TMEM65: variants seen among roughly 807,000 people sequenced by gnomAD.
TMEM65 encodes transmembrane protein 65.
TMEM65 carries 22 observed loss-of-function variants against 25.4 expected under a neutral mutation model. The ratio of observed to expected loss-of-function variants is 0.86; its 90% CI spans 0.62 to 1.23. The LOEUF (loss-of-function observed/expected upper bound fraction) is 1.23. Among genes scored for constraint, TMEM65 ranks in the 50% most tolerant of loss-of-function variants. The probability of loss-of-function intolerance (pLI) is 0.00; values close to 1 mark genes in which losing one functional copy is unlikely to be tolerated. For missense variants in TMEM65, 262 were observed against 308.2 expected (o/e 0.85, Z 1.12); for synonymous variants, 132 against 126.2 (o/e 1.05, Z -0.31).
chr8:124,359,449 TA>T (rs1389522066), intron 1 of TMEM65, among the ~76,000 whole-genome samples: 5 of 152,214 alleles, frequency 3.3e-5, no homozygotes, highest in African/African-American at 1.2e-4. Flanking sequence ...TCAACATTTT[TA>T]CTGCCTCTTT....
chr8:124,337,794 T>C (rs751106968), intron 1 of TMEM65, among the ~76,000 whole-genome samples: 2 of 152,054 alleles, frequency 1.3e-5, no homozygotes, highest in Non-Finnish European at 2.9e-5. Flanking sequence ...TAGTCAAAAC[T>C]GATTGTTATA....
intron 6 of TMEM65, among the ~76,000 whole-genome samples, chr8:124,319,803 C>G (rs1015598328): frequency 7.9e-5 from 12 of 152,070 alleles, no homozygotes; most frequent in African/African-American, 2.9e-4. Flanking sequence ...AGGATAACCA[C>G]AGTTTATTAT....
chr8:124,332,179 C>A (rs977277406), intron 1 of TMEM65, among the ~76,000 whole-genome samples: 2 of 152,026 alleles, frequency 1.3e-5, no homozygotes, highest in Non-Finnish European at 2.9e-5. Flanking sequence ...AAGTGGTTTG[C>A]CAAATTTCTA....
At chr8:124,318,621 C>CA (rs1175052147) in intron 6 of TMEM65, among the ~76,000 whole-genome samples, 1 of 151,890 alleles carries the variant, frequency 6.6e-6, no homozygotes, top group African/African-American at 2.4e-5. Flanking sequence ...GGTGATCCAC[C>CA]CGCCTCGGCC....
At chr8:124,341,113 G>A (rs1814578832) in intron 1 of TMEM65, among the ~76,000 whole-genome samples, 1 of 151,736 alleles carries the variant, frequency 6.6e-6, no homozygotes, top group Non-Finnish European at 1.5e-5. Context: ...AGAAATAAGA[G>A]AAATAATTTT....
At position 124,359,701 on chromosome 8, in the gene TMEM65, C is replaced by T. The variant is rs575466484; in HGVS notation, c.304+12153G>A. 1.1e-4 allele frequency among the ~76,000 whole-genome samples: 17 copies of T among 151,730 alleles called. No individual in the cohort carries two copies. In the South Asian group the frequency reaches 3.1e-3, roughly 28 times the overall value. The stretch of plus-strand genomic sequence containing the variant: ...AAGCTGCAGCGAGCTGAGATCACAC[C>T]ACTGCACTACAGTCTGGACAACAGA... On this transcript the variant is annotated intron_variant, in intron 1 of 6. Transcript: ENST00000297632.
chr8:124,309,829 C>T lies in TMEM65; in HGVS notation c.*4131G>A, dbSNP rs111572680. 0.099 allele frequency: 15,096 copies of T among 152,166 alleles called. 829 individuals carry two copies. Among genetic ancestry groups the T allele is most frequent in the East Asian group, 0.15 (760 of 5,166 alleles). The allele number at this position is 152,166 out of a possible 1,614,324, so 9.4% of individuals were successfully genotyped here. A position where few individuals can be genotyped will look rare whatever the true frequency, so the allele number is the denominator to read the frequency against. ...ACTTTGGGAGGCCGAGACAGGTGGACCACCTGAGGTCAGGAGTCTGAGGCC... is the reference window on the plus strand; with the variant it reads ...ACTTTGGGAGGCCGAGACAGGTGGATCACCTGAGGTCAGGAGTCTGAGGCC... On this transcript the variant is annotated 3_prime_UTR_variant, in exon 7 of 7. Coordinates refer to ENST00000297632, the MANE Select transcript of TMEM65 (RefSeq NM_194291.3).
At chr8:124,314,800 C>G (rs1814213329) in intron 6 of TMEM65, among the ~76,000 whole-genome samples, 1 of 151,872 alleles carries the variant, frequency 6.6e-6, no homozygotes, top group Non-Finnish European at 1.5e-5. Flanking sequence ...ACTAGAACTA[C>G]AGACACATGC....
intron 1 of TMEM65, among the ~76,000 whole-genome samples, chr8:124,339,822 T>C (rs1020467000): frequency 2.0e-5 from 3 of 151,542 alleles, no homozygotes; most frequent in Non-Finnish European, 2.9e-5. Flanking sequence ...GCTAACTTTA[T>C]AGAGAAAAAT....
intron 1 of TMEM65, among the ~76,000 whole-genome samples, chr8:124,336,136 A>G (rs1326982597): frequency 6.6e-6 from 1 of 152,078 alleles, no homozygotes; most frequent in Non-Finnish European, 1.5e-5. Context: ...GGACATTTCA[A>G]AATGACAAAA....
rs113989539 is a variant in TMEM65, at chr8:124,339,129, C to A, written c.305-8337G>T. Among the ~76,000 whole-genome samples, 354 of 135,000 alleles carry A rather than the reference C, an allele frequency of 2.6e-3. 2 individuals are homozygous for A. Among genetic ancestry groups the A allele is most frequent in the Non-Finnish European group, 3.5e-3 (228 of 65,296 alleles). 88.6% of individuals were successfully genotyped at this position (135,000 alleles called of 152,430 possible). A position where few individuals can be genotyped will look rare whatever the true frequency, so the allele number is the denominator to read the frequency against. On this transcript the variant is annotated intron_variant, in intron 1 of 6. Transcript: ENST00000297632. ...ACTTGAACCTCAGAGGCAGAGCTTG[C>A]GGCAGTGAGCCCAGATCGCACCACT... is the stretch of plus-strand genomic sequence containing the variant.
intron 1 of TMEM65, among the ~76,000 whole-genome samples, chr8:124,363,763 G>T (rs886964617): frequency 1.1e-4 from 16 of 146,548 alleles, no homozygotes; most frequent in African/African-American, 3.7e-4. Flanking sequence ...TGTGAACCCG[G>T]GAGGCGGAGC....
At chr8:124,366,557 C>T (rs1252223531) in intron 1 of TMEM65, among the ~76,000 whole-genome samples, 1 of 151,598 alleles carries the variant, frequency 6.6e-6, no homozygotes, top group African/African-American at 2.4e-5. Flanking sequence ...TTTTTTATTT[C>T]CTATGAACTC....
At chr8:124,333,937 G>C (rs1814469449) in intron 1 of TMEM65, among the ~76,000 whole-genome samples, 3 of 152,216 alleles carry the variant, frequency 2.0e-5, no homozygotes, top group Admixed American at 1.3e-4. Context: ...ATCCTGGAAA[G>C]GATAGAGTCA....
intron 6 of TMEM65, among the ~76,000 whole-genome samples, chr8:124,318,619 AC>A (rs1174589291): frequency 4.6e-4 from 70 of 151,492 alleles, no homozygotes; most frequent in Admixed American, 4.6e-3. Flanking sequence ...CAGGTGATCC[AC>A]CCGCCTCGGC....
At position 124,322,113 on chromosome 8, in the gene TMEM65, A is replaced by G. The variant is rs777723097; in HGVS notation, c.507T>C (p.Ala169=). The change falls in exon 5 of 7, where the codon GCT becomes GCC. Residue 169 remains alanine (A), a synonymous_variant. Coordinates refer to ENST00000297632, the MANE Select transcript of TMEM65 (RefSeq NM_194291.3). ...AALGNLVSDL[A]GLGLAGYVEA... is the part of the protein sequence containing the mutation. ...TAAGTGAATGAACCTACCCAAGTCCAGCTAGATCTGACACAAGATTTCCCA... is the reference window on the plus strand; with the variant it reads ...TAAGTGAATGAACCTACCCAAGTCCGGCTAGATCTGACACAAGATTTCCCA... The G allele has an allele frequency of 2.5e-6, 4 of 1,607,878 alleles. No individual in the cohort carries two copies. The Admixed American group carries it at 5.0e-5, about 20-fold the overall frequency.
chr8:124,343,819 C>A (rs909971794), intron 1 of TMEM65, among the ~76,000 whole-genome samples: 1 of 152,158 alleles, frequency 6.6e-6, no homozygotes, highest in African/African-American at 2.4e-5. Context: ...ATTAAGATTT[C>A]ATAACCAACA....
chr8:124,362,878 A>G (rs952322534), intron 1 of TMEM65, among the ~76,000 whole-genome samples: 2 of 152,168 alleles, frequency 1.3e-5, no homozygotes, highest in Non-Finnish European at 2.9e-5. Context: ...GTAAACTGCA[A>G]AAAAAGAAAG....
At chr8:124,331,142 G>A (rs974765930) in intron 1 of TMEM65, among the ~76,000 whole-genome samples, 1 of 151,454 alleles carries the variant, frequency 6.6e-6, no homozygotes, top group Admixed American at 6.6e-5. Context: ...AGAAATAAAG[G>A]TACTCTTCTT....
Sources: allele counts gnomAD v4.1 joint callset (sites outside exome capture counted in the v4.1 genomes callset), GRCh38; gene constraint gnomAD v4.1.1; transcripts MANE v1.5; gene names NCBI Gene and HGNC (gene_info 2026-07-23, HGNC 2026-07-21).